Variants in PARD3 observed in about 807,000 individuals in gnomAD.
PARD3 encodes the protein par-3 family cell polarity regulator, also known as partitioning defective 3 homolog.
A neutral mutation model predicts 155.4 loss-of-function variants in PARD3; 75 were observed. That is an observed-to-expected ratio of 0.48 (90% CI 0.40 to 0.58). The LOEUF is 0.58. Ranked by LOEUF, PARD3 falls within the 20% of genes least tolerant of loss-of-function variation. The pLI is 0.00. For synonymous variants in PARD3, 576 were observed against 610.5 expected (o/e 0.94, Z 0.83); for missense variants, 1,642 against 1,721.7 (o/e 0.95, Z 0.82).
chr10:34,732,546 T>C (rs898037674), intron 1 of PARD3, among the ~76,000 whole-genome samples: 6 of 152,064 alleles, frequency 3.9e-5, no homozygotes, highest in African/African-American at 1.2e-4. Flanking sequence ...AATTTTCTTT[T>C]AATTAGCCGG....
At chr10:34,297,680 T>C (rs1312331506) in intron 20 of PARD3, among the ~76,000 whole-genome samples, 1 of 152,178 alleles carries the variant, frequency 6.6e-6, no homozygotes, top group African/African-American at 2.4e-5. Context: ...TGATGGTTAG[T>C]CTTGGCCAGC....
chr10:34,432,337 T>TACATAC (rs1207917998), intron 5 of PARD3, among the ~76,000 whole-genome samples: 2 of 143,456 alleles, frequency 1.4e-5, no homozygotes, highest in African/African-American at 5.2e-5. Context: ...CACGTGCACA[T>TACATAC]ACACACACAC....
chr10:34,194,714 TG>T (rs1314084582), intron 22 of PARD3, among the ~76,000 whole-genome samples: 2 of 151,576 alleles, frequency 1.3e-5, no homozygotes, highest in African/African-American at 4.8e-5. Context: ...AGATGAAATG[TG>T]TAAGTTATTA....
intron 5 of PARD3, among the ~76,000 whole-genome samples, chr10:34,402,164 A>G (rs79617950): frequency 0.011 from 1,678 of 152,236 alleles, 12 homozygotes; most frequent in Non-Finnish European, 0.014. Context: ...AGGAAAGAAA[A>G]CAAAAAAACA....
intron 1 of PARD3, among the ~76,000 whole-genome samples, chr10:34,773,755 T>A (rs779694689): frequency 6.6e-6 from 1 of 152,212 alleles, no homozygotes; most frequent in African/African-American, 2.4e-5. Flanking sequence ...CCTTTGTGAA[T>A]TGCCCACTTG....
At chr10:34,191,460 C>T (rs1950702296) in intron 22 of PARD3, among the ~76,000 whole-genome samples, 1 of 152,134 alleles carries the variant, frequency 6.6e-6, no homozygotes, top group African/African-American at 2.4e-5. Context: ...CTCTAATTGA[C>T]TGGAAGGCAT....
intron 22 of PARD3, among the ~76,000 whole-genome samples, chr10:34,145,215 A>ATTTTTTT (rs1431781010): frequency 5.2e-5 from 3 of 57,612 alleles, no homozygotes; most frequent in African/African-American, 1.9e-4. Context: ...ATATATATAT[A>ATTTTTTT]TATATATTTT....
At chr10:34,749,058 C>A (rs1302481664) in intron 1 of PARD3, among the ~76,000 whole-genome samples, 5 of 152,216 alleles carry the variant, frequency 3.3e-5, no homozygotes, top group Non-Finnish European at 7.3e-5. Flanking sequence ...CAATTTCCTC[C>A]CACTAGATTT....
intron 22 of PARD3, among the ~76,000 whole-genome samples, chr10:34,152,963 G>A (rs1025191272): frequency 5.3e-5 from 8 of 152,196 alleles, no homozygotes; most frequent in Non-Finnish European, 1.0e-4. Context: ...GAGATCCAGT[G>A]ACATGACAAA....
chr10:34,124,524 T>A (rs995948264), intron 23 of PARD3, among the ~76,000 whole-genome samples: 5 of 152,164 alleles, frequency 3.3e-5, no homozygotes, highest in African/African-American at 9.7e-5. Context: ...CAACCTTTAA[T>A]CAAAACAACG....
rs745330041 is a variant in PARD3, at chr10:34,375,016, A to G, written c.1540-14T>C. ...TACTCCATTTACCTAAAACAAAACA[A>G]AAGTTTTCAGCTGTAATCCTGTGGA... On this transcript the variant is annotated splice_polypyrimidine_tract_variant and intron_variant, in intron 10 of 24. Transcript: ENST00000374788. 6 of 1,609,908 alleles carry G rather than the reference A, an allele frequency of 3.7e-6. No individual in the cohort carries two copies. The African/African-American group carries it at 5.4e-5, about 14-fold the overall frequency.
chr10:34,534,100 G>A (rs1589912833), intron 2 of PARD3, among the ~76,000 whole-genome samples: 3 of 151,974 alleles, frequency 2.0e-5, no homozygotes, highest in East Asian at 3.9e-4. Context: ...GAGGTCTTAA[G>A]ACCCAGAAGG....
intron 14 of PARD3, among the ~76,000 whole-genome samples, chr10:34,353,728 A>AAATAAATAAAT (rs1564620159): frequency 3.8e-5 from 4 of 105,970 alleles, no homozygotes; most frequent in African/African-American, 1.0e-4. Flanking sequence ...AATAAATAAA[A>AAATAAATAAAT]AAATAAATAA....
intron 22 of PARD3, among the ~76,000 whole-genome samples, chr10:34,172,594 G>A (rs1297423805): frequency 1.3e-5 from 2 of 152,074 alleles, no homozygotes; most frequent in Non-Finnish European, 2.9e-5. Flanking sequence ...TGCTGAGACT[G>A]CTGTGCATGG....
chr10:34,673,113 G>GA (rs1195844657), intron 2 of PARD3, among the ~76,000 whole-genome samples: 64 of 148,854 alleles, frequency 4.3e-4, no homozygotes, highest in Middle Eastern at 6.9e-3. Context: ...TCCATTTCTG[G>GA]AAAAAAAAAA....
At chr10:34,310,623 G>A (rs79132728) in intron 20 of PARD3, among the ~76,000 whole-genome samples, 2,979 of 152,320 alleles carry the variant, frequency 0.02, 52 homozygotes, top group Non-Finnish European at 0.031. Context: ...GGGCGCTGTG[G>A]ATGTCAGAGG....
At chr10:34,490,873 G>A (rs905206340) in intron 3 of PARD3, among the ~76,000 whole-genome samples, 1 of 152,138 alleles carries the variant, frequency 6.6e-6, no homozygotes, top group Non-Finnish European at 1.5e-5. Flanking sequence ...GCTGGTTCCA[G>A]GATCCCCATC....
intron 20 of PARD3, among the ~76,000 whole-genome samples, chr10:34,298,345 C>A (rs1316210009): frequency 1.3e-5 from 2 of 152,144 alleles, no homozygotes; most frequent in Admixed American, 1.3e-4. Context: ...ATTACAACCG[C>A]TAGCGTGCAT....
At position 34,601,113 on chromosome 10, in the gene PARD3, A is replaced by C. The variant is rs142092320; in HGVS notation, c.223-83954T>G. Reference sequence around the variant, plus strand: ...GGCGTGAGCCATTGTGCCAAGCCTAAATTTTAATTTCAATTTAAAATTCAA... The same window carrying C: ...GGCGTGAGCCATTGTGCCAAGCCTACATTTTAATTTCAATTTAAAATTCAA... On this transcript the variant is annotated intron_variant, in intron 2 of 24. Transcript: ENST00000374788. Among the ~76,000 whole-genome samples the C allele has an allele frequency of 2.6e-3, 400 of 151,666 alleles. 18 individuals carry two copies. The East Asian group carries it at 0.072, about 27-fold the overall frequency.
Sources: allele counts gnomAD v4.1 joint callset (sites outside exome capture counted in the v4.1 genomes callset), GRCh38; gene constraint gnomAD v4.1.1; transcripts MANE v1.5; gene names NCBI Gene and HGNC (gene_info 2026-07-23, HGNC 2026-07-21).